The following MALRD1 variants were observed in gnomAD, a reference collection of about 807,000 sequenced individuals.
The protein encoded by MALRD1 is MAM and LDL-receptor class A domain-containing protein 1.
MALRD1 carries 247 observed loss-of-function variants against 242.1 expected under a neutral mutation model. The observed-to-expected ratio is 1.02, with a 90% confidence interval of 0.92 to 1.13. The LOEUF (loss-of-function observed/expected upper bound fraction) is 1.13, where lower values mean the gene tolerates loss of function less well. Ranked by LOEUF, MALRD1 falls within the 50% of genes most tolerant of loss-of-function variation. The pLI is 0.00. For missense variants in MALRD1, 2,989 were observed against 2,533.1 expected, an observed-to-expected ratio of 1.18 and a Z score of -3.86; for synonymous variants, 995 against 866.6, an observed-to-expected ratio of 1.15 and a Z score of -2.60.
intron 36 of MALRD1, among the ~76,000 whole-genome samples, chr10:19,655,578 A>T (rs141009308): frequency 0.012 from 1,726 of 142,506 alleles, 30 homozygotes; most frequent in African/African-American, 0.042. Context: ...ATATGGAGAT[A>T]ATTTTATTCA....
intron 38 of MALRD1, among the ~76,000 whole-genome samples, chr10:19,711,821 C>G (rs1423436340): frequency 6.6e-6 from 1 of 152,124 alleles, no homozygotes; most frequent in East Asian, 1.9e-4. Flanking sequence ...GTTCTGTAGC[C>G]AAGGAGATGG....
At chr10:19,684,957 C>T (rs574572170) in intron 36 of MALRD1, among the ~76,000 whole-genome samples, 1 of 152,114 alleles carries the variant, frequency 6.6e-6, no homozygotes, top group Non-Finnish European at 1.5e-5. Context: ...AGTAAATCTG[C>T]AGGTTAGTGT....
intron 28 of MALRD1, among the ~76,000 whole-genome samples, chr10:19,431,582 C>G (rs1419390673): frequency 6.6e-6 from 1 of 152,134 alleles, no homozygotes; most frequent in Non-Finnish European, 1.5e-5. Flanking sequence ...GCTTTTAGCA[C>G]TCCTCAAAAG....
chr10:19,659,980 C>T (rs763476017), intron 36 of MALRD1, among the ~76,000 whole-genome samples: 6 of 152,170 alleles, frequency 3.9e-5, no homozygotes, highest in Non-Finnish European at 7.3e-5. Flanking sequence ...ACTGCATCCC[C>T]CTTTACAGTG....
intron 28 of MALRD1, among the ~76,000 whole-genome samples, chr10:19,390,105 T>A (rs1313321814): frequency 6.6e-6 from 1 of 152,328 alleles, no homozygotes; most frequent in East Asian, 1.9e-4. Flanking sequence ...GAGTTCAACA[T>A]CATATCCTGT....
intron 26 of MALRD1, among the ~76,000 whole-genome samples, chr10:19,371,078 T>C (rs1208997578): frequency 2.2e-5 from 3 of 133,546 alleles, no homozygotes; most frequent in African/African-American, 5.7e-5. Flanking sequence ...AGTGAGGCCC[T>C]CTCTCTACGA....
chr10:19,219,491 C>T (rs778789445), intron 18 of MALRD1, among the ~76,000 whole-genome samples: 2 of 151,990 alleles, frequency 1.3e-5, no homozygotes, highest in African/African-American at 2.4e-5. Flanking sequence ...GACTGGAGTT[C>T]AGCGCCATGT....
chr10:19,352,360 G>T lies in MALRD1; in HGVS notation c.4441+63G>T, dbSNP rs1844425365. 6.3e-6 allele frequency: 9 copies of T among 1,425,564 alleles called. No homozygotes were observed. In the Admixed American group the frequency reaches 1.1e-4, roughly 17 times the overall value. 88.3% of individuals were successfully genotyped at this position (1,425,564 alleles called of 1,614,324 possible). A position where few individuals can be genotyped will look rare whatever the true frequency, so the allele number is the denominator to read the frequency against. ...ATGGTGAAAGGTGAAAAGGAAGAAA[G>T]AAAATGCAAAAGAAATAGCATAAAC... is the stretch of plus-strand genomic sequence containing the variant. On this transcript the variant is annotated intron_variant, in intron 26 of 39. Transcript: ENST00000454679.
Position 19,495,202 on chromosome 10 carries a change from C to G in MALRD1, c.5159-3283C>G, listed in dbSNP as rs1046906904. ...ATGTTGGCCAGGCTGGTTTCAAACTCCTGATCTCAAGTGATCTGCCTGCCT... is the reference window on the plus strand; with the variant it reads ...ATGTTGGCCAGGCTGGTTTCAAACTGCTGATCTCAAGTGATCTGCCTGCCT... On this transcript the variant is annotated intron_variant, in intron 30 of 39. Transcript: ENST00000454679. Among the ~76,000 whole-genome samples, 5 of 152,084 alleles carry G rather than the reference C, an allele frequency of 3.3e-5. No individual in the cohort carries two copies. In the East Asian group the frequency reaches 9.6e-4, roughly 29 times the overall value.
chr10:19,333,267 A>G (rs943303461), intron 24 of MALRD1, among the ~76,000 whole-genome samples: 2 of 152,158 alleles, frequency 1.3e-5, no homozygotes, highest in African/African-American at 4.8e-5. Flanking sequence ...AGCATAGGAC[A>G]CAATAGATTT....
At chr10:19,381,059 CT>C (rs1468389583) in intron 26 of MALRD1, among the ~76,000 whole-genome samples, 1 of 118,502 alleles carries the variant, frequency 8.4e-6, no homozygotes, top group African/African-American at 3.2e-5. Flanking sequence ...TCCCTCCCCC[CT>C]CCCCCCACCC....
intron 36 of MALRD1, among the ~76,000 whole-genome samples, chr10:19,621,696 A>G (rs1047406607): frequency 1.3e-5 from 2 of 151,858 alleles, no homozygotes; most frequent in African/African-American, 4.8e-5. Context: ...TCAAAAAATG[A>G]AAAGAGACCT....
At chr10:19,353,121 C>G (rs1022012466) in intron 26 of MALRD1, among the ~76,000 whole-genome samples, 16 of 152,066 alleles carry the variant, frequency 1.1e-4, no homozygotes, top group African/African-American at 3.9e-4. Context: ...ATCCTCCCGC[C>G]TCAGCCTCCT....
chr10:19,629,892 T>C (rs1839830676), intron 36 of MALRD1, among the ~76,000 whole-genome samples: 1 of 152,146 alleles, frequency 6.6e-6, no homozygotes, highest in African/African-American at 2.4e-5. Context: ...AGTAGAAGCT[T>C]TTGTGCTGTT....
intron 21 of MALRD1, among the ~76,000 whole-genome samples, chr10:19,303,331 C>T (rs1842030962): frequency 6.6e-6 from 1 of 151,462 alleles, no homozygotes; most frequent in African/African-American, 2.4e-5. Flanking sequence ...AGTCATTACA[C>T]CAAGTACGAT....
chr10:19,337,919 G>T (rs936119365), intron 24 of MALRD1, among the ~76,000 whole-genome samples: 25 of 151,958 alleles, frequency 1.6e-4, no homozygotes, highest in African/African-American at 4.8e-4. Context: ...AAAATTAGCT[G>T]GGCGTGGTGA....
intron 10 of MALRD1, among the ~76,000 whole-genome samples, chr10:19,139,489 C>T (rs2131421239): frequency 6.6e-6 from 1 of 152,130 alleles, no homozygotes; most frequent in Admixed American, 6.5e-5. Context: ...CTTGTGCAGG[C>T]AGTTTGAATA....
At chr10:19,620,885 G>C (rs1839371005) in intron 36 of MALRD1, among the ~76,000 whole-genome samples, 1 of 151,572 alleles carries the variant, frequency 6.6e-6, no homozygotes, top group African/African-American at 2.4e-5. Context: ...ATTCAAAAAA[G>C]AATTAGTGGG....
At chr10:19,133,265 A>G (rs1459142287) in intron 8 of MALRD1, among the ~76,000 whole-genome samples, 1 of 152,206 alleles carries the variant, frequency 6.6e-6, no homozygotes, top group Non-Finnish European at 1.5e-5. Context: ...ATCATTGTAC[A>G]GGTACATAAC....
Sources: allele counts gnomAD v4.1 joint callset (sites outside exome capture counted in the v4.1 genomes callset), GRCh38; gene constraint gnomAD v4.1.1; transcripts MANE v1.5; gene names NCBI Gene and HGNC (gene_info 2026-07-23, HGNC 2026-07-21).